Variants in CC2D2B observed in about 807,000 individuals in gnomAD.
CC2D2B encodes coiled-coil and C2 domain containing 2B, also known as protein CC2D2B.
In CC2D2B, 128 loss-of-function variants were observed where a neutral mutation model predicts 161.2. The observed-to-expected ratio is 0.79, with a 90% CI of 0.69 to 0.92. The LOEUF is 0.92. Among genes scored for constraint, CC2D2B ranks in the 40% least tolerant of loss-of-function variants. CC2D2B has a pLI of 0.00. For missense variants in CC2D2B, 1,173 were observed against 1,375.1 expected (o/e 0.85, Z 2.32); for synonymous variants, 391 against 449.8 (o/e 0.87, Z 1.65).
At chr10:95,947,082 AATATATATATATATAT>A (rs1297977316) in intron 9 of CC2D2B, among the ~76,000 whole-genome samples, 1 of 39,484 alleles carries the variant, frequency 2.5e-5, no homozygotes, top group Non-Finnish European at 5.3e-5. Context: ...TGGACTCAAA[AATATATATATATATAT>A]ATATATATAT....
intron 23 of CC2D2B, 107 bp downstream of exon 23, chr10:95,995,472 T>C (rs1381424908): frequency 6.8e-6 from 4 of 586,624 alleles, no homozygotes; most frequent in Non-Finnish European, 1.1e-5. Context: ...GCTTCCAGTT[T>C]ATTTTCCATG....
At chr10:95,919,877 C>CT (rs1232419859) in intron 2 of CC2D2B, 2 of 151,816 alleles carry the variant, frequency 1.3e-5, no homozygotes, top group African/African-American at 4.8e-5. Flanking sequence ...GGTTGTAAAA[C>CT]TAAGTCCTCT....
intron 9 of CC2D2B, among the ~76,000 whole-genome samples, chr10:95,941,735 A>C (rs1208548833): frequency 6.6e-6 from 1 of 152,180 alleles, no homozygotes; most frequent in Non-Finnish European, 1.5e-5. Flanking sequence ...ACCCTTGTAC[A>C]CTGTTGGTGG....
At chr10:95,991,740 T>C (rs1297566987) in intron 21 of CC2D2B, among the ~76,000 whole-genome samples, 2 of 152,176 alleles carry the variant, frequency 1.3e-5, no homozygotes, top group African/African-American at 4.8e-5. Context: ...AAGAAACACC[T>C]TTGTCCCAAA....
At chr10:96,010,440 T>C (rs1213646772) in intron 26 of CC2D2B, among the ~76,000 whole-genome samples, 2 of 152,210 alleles carry the variant, frequency 1.3e-5, no homozygotes, top group East Asian at 1.9e-4. Flanking sequence ...GGCAAGGCAC[T>C]TGACATCTCG....
chr10:95,957,323 T>C (rs2076599709), intron 11 of CC2D2B, among the ~76,000 whole-genome samples: 1 of 152,158 alleles, frequency 6.6e-6, no homozygotes, highest in Non-Finnish European at 1.5e-5. Flanking sequence ...ATAAAGTGAC[T>C]TCCAGAGGAT....
At chr10:96,020,130 C>T (rs1273590655) in intron 32 of CC2D2B, 1 of 219,074 alleles carries the variant, frequency 4.6e-6, no homozygotes, top group African/African-American at 2.3e-5. Context: ...CTAACTCTGA[C>T]CTAGCCCTCC....
At position 95,991,052 on chromosome 10, in the gene CC2D2B, G is replaced by C. The variant is rs147688552; in HGVS notation, c.2380-318G>C. ...GATTCACAGGGCAATTGTCTCCTTT[G>C]GTGAAAACTAGTTCTGGCCACATAC... On this transcript the variant is annotated intron_variant, in intron 20 of 34. Coordinates refer to ENST00000646931, the MANE Select transcript of CC2D2B (RefSeq NM_001349008.3). Among the ~76,000 whole-genome samples, 445 of 152,220 alleles carry C rather than the reference G, an allele frequency of 2.9e-3. 2 individuals carry two copies. The highest frequency in any genetic ancestry group is 0.01 in the African/African-American group (422 of 41,528).
chr10:95,958,057 A>C (rs1009789953), intron 11 of CC2D2B, among the ~76,000 whole-genome samples: 2 of 134,680 alleles, frequency 1.5e-5, no homozygotes, highest in Non-Finnish European at 3.1e-5. Context: ...AAACTATGCC[A>C]AAAAAAAAAA....
Position 96,032,080 on chromosome 10 carries a change from G to A in CC2D2B, c.*72G>A, listed in dbSNP as rs1038418596. 2.5e-6 allele frequency: 3 copies of A among 1,190,914 alleles called. No homozygotes were observed. In the African/African-American group the frequency reaches 4.6e-5, roughly 18 times the overall value. The allele number at this position is 1,190,914 out of a possible 1,614,324, so 73.8% of individuals were successfully genotyped here. A position where few individuals can be genotyped will look rare whatever the true frequency, so the allele number is the denominator to read the frequency against. On this transcript the variant is annotated 3_prime_UTR_variant, in exon 35 of 35. Coordinates refer to ENST00000646931, the MANE Select transcript of CC2D2B (RefSeq NM_001349008.3). ...CCAACAAAAACTTTTCTGGTACCTT[G>A]AGATTTTGCTGTTTATTCTCAAGTC... is the stretch of plus-strand genomic sequence containing the variant.
intron 15 of CC2D2B, among the ~76,000 whole-genome samples, chr10:95,970,851 C>A (rs2077100817): frequency 6.6e-6 from 1 of 152,188 alleles, no homozygotes; most frequent in African/African-American, 2.4e-5. Context: ...TCAAAGGGAC[C>A]AGTGTGGTGT....
intron 9 of CC2D2B, among the ~76,000 whole-genome samples, chr10:95,946,850 C>T (rs2076213735): frequency 6.6e-6 from 1 of 151,784 alleles, no homozygotes; most frequent in Admixed American, 6.6e-5. Flanking sequence ...AGCAATGGCA[C>T]AGACTGAAGA....
At chr10:95,993,391 T>A (rs11188544) in intron 22 of CC2D2B, among the ~76,000 whole-genome samples, 1 of 152,044 alleles carries the variant, frequency 6.6e-6, no homozygotes, top group East Asian at 1.9e-4. Context: ...CCCAAATGCC[T>A]TAAGAATGTT....
At chr10:95,995,508 A>G in intron 23 of CC2D2B, 143 bp downstream of exon 23, 1 of 523,624 alleles carries the variant, frequency 1.9e-6, no homozygotes, top group Non-Finnish European at 3.3e-6. Context: ...CCTTTATAAA[A>G]TGTAATTCTA....
intron 11 of CC2D2B, among the ~76,000 whole-genome samples, chr10:95,959,296 A>C (rs1242566489): frequency 1.3e-5 from 2 of 152,156 alleles, no homozygotes; most frequent in African/African-American, 4.8e-5. Context: ...CATCACCTTC[A>C]CCTGGGAGTT....
intron 12 of CC2D2B, 142 bp downstream of exon 12, chr10:95,962,111 T>G (rs1039819194): frequency 1.2e-5 from 4 of 341,232 alleles, no homozygotes; most frequent in Non-Finnish European, 1.5e-5. Context: ...CTTAAATACA[T>G]AAACATATAT....
chr10:95,957,748 A>G (rs558913990), intron 11 of CC2D2B, among the ~76,000 whole-genome samples: 1 of 151,268 alleles, frequency 6.6e-6, no homozygotes, highest in East Asian at 1.9e-4. Context: ...TTTAGTAGAG[A>G]TGGGGGTTCA....
chr10:96,017,992 A>C (rs1450657932), intron 30 of CC2D2B, among the ~76,000 whole-genome samples: 1 of 152,108 alleles, frequency 6.6e-6, no homozygotes, highest in Admixed American at 6.6e-5. Flanking sequence ...AGCCTTGTTT[A>C]CTTCTCTGAG....
chr10:96,016,350 A>G (rs1250221519), intron 30 of CC2D2B, 36 bp downstream of exon 30: 1 of 1,359,674 alleles, frequency 7.4e-7, no homozygotes, highest in Non-Finnish European at 1.1e-6. Context: ...TAATGTAAGC[A>G]AAAGGAAATC....
Sources: gnomAD v4.1 joint callset for allele counts (sites outside exome capture counted in the v4.1 genomes callset) on GRCh38, gnomAD v4.1.1 for gene constraint, MANE v1.5 for transcripts, NCBI Gene and HGNC (gene_info 2026-07-23, HGNC 2026-07-21) for gene names.